The following RYR1 variants were observed in gnomAD, a reference collection of about 807,000 sequenced individuals.
RYR1 encodes the protein ryanodine receptor 1.
RYR1 carries 342 observed loss-of-function variants against 583.5 expected under a neutral mutation model. That is an observed-to-expected ratio of 0.59 (90% CI 0.54 to 0.64). The LOEUF (loss-of-function observed/expected upper bound fraction) is 0.64. Ranked by LOEUF, RYR1 falls within the 30% of genes least tolerant of loss-of-function variation. The pLI is 0.00. For synonymous variants in RYR1, 2,791 were observed against 2,822.5 expected (o/e 0.99, Z 0.35); for missense variants, 6,032 against 6,917.2 (o/e 0.87, Z 4.54).
intron 101 of RYR1, among the ~76,000 whole-genome samples, chr19:38,581,744 G>A (rs1259761623): frequency 1.3e-5 from 2 of 151,954 alleles, no homozygotes; most frequent in African/African-American, 2.4e-5. Flanking sequence ...GATTACAGGC[G>A]CACACTACCA....
At chr19:38,434,411 AG>A (rs1413762907) in intron 1 of RYR1, among the ~76,000 whole-genome samples, 1 of 151,926 alleles carries the variant, frequency 6.6e-6, no homozygotes, top group Non-Finnish European at 1.5e-5. Flanking sequence ...CGTTTTGGGC[AG>A]GAGGGCTGCT....
chr19:38,565,120 C>A lies in RYR1; in HGVS notation c.12786C>A (p.Asp4262Glu). 6.5e-7 allele frequency: 1 copy of A among 1,537,824 alleles called. No individual in the cohort carries two copies. Among genetic ancestry groups the A allele is most frequent in the Non-Finnish European group, 8.7e-7 (1 of 1,145,812 alleles). The change falls in exon 91 of 106, where the codon GAC becomes GAA. Residue 4262 changes from aspartate (D) to glutamate (E), a missense_variant. Physicochemically the swap from Asp to Glu is conservative, Grantham distance 45. Around this residue, in one of 11 missense-constraint regions of RYR1, gnomAD observed 753 missense variants for 759.6 expected, o/e 0.99. Coordinates refer to ENST00000359596, the MANE Select transcript of RYR1 (RefSeq NM_000540.3). This position sits in a 1 kb window ranked among gnomAD's most constrained non-coding sequence, Gnocchi z 4.7. ...EPEGEPETDE[D>E]EGAGAAEAGA... The stretch of plus-strand genomic sequence containing the variant: ...AGGGCGAGCCGGAGACCGACGAGGA[C>A]GAGGGCGCGGGCGCGGCGGAGGCGG...
chr19:38,528,323 G>A lies in RYR1; in HGVS notation c.10842G>A (p.Lys3614=). 1 of 1,614,150 alleles carries A rather than the reference G, an allele frequency of 6.2e-7. No homozygotes were observed. The highest frequency in any genetic ancestry group is 8.5e-7 in the Non-Finnish European group (1 of 1,180,022). The change falls in exon 74 of 106, where the codon AAG becomes AAA. Residue 3614 remains lysine (K), a synonymous_variant. Transcript: ENST00000359596. ...YYLDQTEHPY[K]SKKAVWHKLL... ...CTCCCCAGACCGAGCACCCTTACAAGTCTAAGAAGGCCGTGTGGCACAAGC... is the reference window on the plus strand; with the variant it reads ...CTCCCCAGACCGAGCACCCTTACAAATCTAAGAAGGCCGTGTGGCACAAGC...
intron 71 of RYR1, 33 bp downstream of exon 71, chr19:38,525,535 A>C (rs747302870): frequency 6.2e-7 from 1 of 1,608,438 alleles, no homozygotes; most frequent in Non-Finnish European, 8.5e-7. Flanking sequence ...GGAACCTTCC[A>C]GGATGCCGCC....
chr19:38,477,827 G>T lies in RYR1; in HGVS notation c.4411G>T (p.Val1471Leu), dbSNP rs767558988. ...MSFDLSKVRV[V>L]TVTMGDEQGN... ...CTTCGACCTCAGCAAGGTCCGGGTC[G>T]TGACGGTGACCATGGGGGATGAACA... The change falls in exon 30 of 106, where the codon GTG becomes TTG. Residue 1471 changes from valine to leucine, a missense_variant. Val to Leu is a conservative substitution (Grantham distance 32, BLOSUM62 1). Transcript: ENST00000359596. 1 of 1,613,104 alleles carries T rather than the reference G, an allele frequency of 6.2e-7. No individual in the cohort carries two copies. The highest frequency in any genetic ancestry group is 8.5e-7 in the Non-Finnish European group (1 of 1,179,530).
chr19:38,565,185 GCACGGCGGC>G lies in RYR1; in HGVS notation c.12861_12869del (p.Thr4288_Ala4290del), dbSNP rs398123469. ...GAGGAGGGCGCGGCGGGGCTCGAGG[GCACGGCGGC>G]CACGGCGGCGGCGGGGGCGACGGCG... On this transcript the variant is annotated inframe_deletion, in exon 91 of 106. Transcript: ENST00000359596. This position sits in a 1 kb window ranked among gnomAD's most constrained non-coding sequence, Gnocchi z 4.7. The G allele has an allele frequency of 6.2e-4, 693 of 1,117,954 alleles. 2 individuals are homozygous for G. In the African/African-American group the frequency reaches 9.2e-3, roughly 15 times the overall value. 69.3% of individuals were successfully genotyped at this position (1,117,954 alleles called of 1,614,324 possible).
chr19:38,546,511 C>T lies in RYR1; in HGVS notation c.12079C>T (p.Leu4027=). 1 of 1,613,364 alleles carries T rather than the reference C, an allele frequency of 6.2e-7. No individual in the cohort carries two copies. The highest frequency in any genetic ancestry group is 8.5e-7 in the Non-Finnish European group (1 of 1,179,796). ...DLQKDMVVML[L]SLLEGNVVNG... is the part of the protein sequence containing the mutation. ...GCAGAAGGACATGGTGGTGATGTTG[C>T]TGTCGCTACTAGAAGGTAAACACCC... Residue 4027 remains leucine (L), a synonymous_variant, in exon 88 of 106, where the codon CTG becomes TTG. Transcript: ENST00000359596.
chr19:38,483,144 G>A lies in RYR1; in HGVS notation c.4707+31G>A, dbSNP rs1489982726. On this transcript the variant is annotated intron_variant, in intron 32 of 105. Transcript: ENST00000359596. The surrounding 1 kb of genome is among the most constrained non-coding windows in gnomAD (Gnocchi z 6.3). The stretch of plus-strand genomic sequence containing the variant: ...AGTGCAGTGATGGGGGCACTAATGG[G>A]GCCAGGCTGAGGCAGGAGATGTGGG... 1.2e-5 allele frequency: 19 copies of A among 1,608,812 alleles called. No homozygotes were observed. Among genetic ancestry groups the A allele is most frequent in the Non-Finnish European group, 1.6e-5 (19 of 1,175,224 alleles).
At chr19:38,567,735 C>G in intron 92 of RYR1, 38 bp from the exon 93 acceptor site, 1 of 1,614,130 alleles carries the variant, frequency 6.2e-7, no homozygotes. Flanking sequence ...CATTGCCTGC[C>G]CAGGCACCTC....
intron 84 of RYR1, among the ~76,000 whole-genome samples, chr19:38,539,238 CTT>C (rs766181329): frequency 2.4e-4 from 29 of 118,690 alleles, no homozygotes; most frequent in Admixed American, 5.2e-4. Context: ...AAGATTTTTT[CTT>C]TTTTTTTTTT....
chr19:38,519,163 G>A (rs1261447112), intron 66 of RYR1, 51 bp from the exon 67 acceptor site: 2 of 1,613,368 alleles, frequency 1.2e-6, no homozygotes, highest in African/African-American at 1.3e-5. Context: ...CGGAGTTTGG[G>A]GCCTGTGTCA....
intron 61 of RYR1, 125 bp downstream of exon 61, chr19:38,511,735 C>T: frequency 1.7e-6 from 2 of 1,194,574 alleles, no homozygotes; most frequent in South Asian, 2.4e-5. Context: ...GACCTGGAGA[C>T]ATGGACCAGG....
chr19:38,459,338 A>C lies in RYR1; in HGVS notation c.2360A>C (p.Lys787Thr), dbSNP rs766553911. The change falls in exon 19 of 106, where the codon AAG (lysine) becomes ACG (threonine). Residue 787 changes from lysine to threonine, a missense_variant and splice_region_variant. Around this residue, in one of 11 missense-constraint regions of RYR1, gnomAD observed 2,627 missense variants for 2,961.3 expected, o/e 0.89. Transcript: ENST00000359596. ...GTTGTCAGCTTCTCGGCTGGTGTCA[A>C]GTGAGAACTTGCCCCCACCCCACGG... ...FPVVSFSAGV[K>T]VRFLLGGRHG... 3.7e-6 allele frequency: 6 copies of C among 1,613,902 alleles called. No individual in the cohort carries two copies. In the South Asian group the frequency reaches 6.6e-5, roughly 18 times the overall value.
intron 84 of RYR1, among the ~76,000 whole-genome samples, chr19:38,542,410 A>G (rs1468861778): frequency 1.3e-5 from 2 of 152,232 alleles, no homozygotes; most frequent in Admixed American, 6.5e-5. Flanking sequence ...CCTGCTACAT[A>G]GTTGGTGGTC....
chr19:38,479,914 C>T (rs1766549159), intron 31 of RYR1, among the ~76,000 whole-genome samples: 1 of 151,474 alleles, frequency 6.6e-6, no homozygotes, highest in Non-Finnish European at 1.5e-5. Flanking sequence ...CAGACGGGGT[C>T]TCACTATGTT....
In RYR1 at chr19:38,528,860, A is replaced by G. The variant is rs1971603950; in HGVS notation, c.11035-91A>G. 27 of 1,507,208 alleles carry G rather than the reference A, an allele frequency of 1.8e-5. No individual in the cohort carries two copies. The South Asian group carries it at 2.9e-4, about 16-fold the overall frequency. 93.4% of individuals were successfully genotyped at this position (1,507,208 alleles called of 1,614,324 possible). On this transcript the variant is annotated intron_variant, in intron 75 of 105. Transcript: ENST00000359596. ...AGTAGGGCGCAGGATGTGGGAAAAG[A>G]GAAAAAAAAATCCAGACCAACAGGG...
At position 38,585,047 on chromosome 19, in the gene RYR1, C is replaced by T. The variant is rs748270236; in HGVS notation, c.14751C>T (p.Phe4917=). 7.4e-6 allele frequency: 12 copies of T among 1,613,962 alleles called. No individual in the cohort carries two copies. In the Admixed American group the frequency reaches 8.3e-5, roughly 11 times the overall value. ...GDEYELYRVV[F]DITFFFFVIV... Reference sequence around the variant, plus strand: ...AATACGAGCTCTACAGGGTGGTCTTCGACATCACCTTCTTCTTCTTCGTCA... The same window carrying T: ...AATACGAGCTCTACAGGGTGGTCTTTGACATCACCTTCTTCTTCTTCGTCA... Residue 4917 remains phenylalanine (F), a synonymous_variant, in exon 102 of 106, where the codon TTC becomes TTT. Coordinates refer to ENST00000359596, the MANE Select transcript of RYR1 (RefSeq NM_000540.3).
Position 38,537,889 on chromosome 19 carries a change from T to A in RYR1, c.11618T>A (p.Val3873Asp), listed in dbSNP as rs2145756408. The A allele has an allele frequency of 6.2e-7, 1 of 1,613,574 alleles. No homozygotes were observed. Among genetic ancestry groups the A allele is most frequent in the Admixed American group, 1.7e-5 (1 of 59,970 alleles). ...TVINRQNGEK[V>D]MADDEFTQDL... ...CCTCCCTTCCACCTAGGAGAGAAGG[T>A]CATGGCGGATGATGAATTCACACAA... Residue 3873 changes from valine to aspartate, a missense_variant, in exon 84 of 106, where the codon GTC becomes GAC. By Grantham distance (152) the Val-to-Asp change is radical. This residue lies in a region of RYR1 where 1,493 missense variants were observed against 1,715.5 expected (regional missense o/e 0.87). Coordinates refer to ENST00000359596, the MANE Select transcript of RYR1 (RefSeq NM_000540.3).
Position 38,580,078 on chromosome 19 carries a change from G to C in RYR1, c.14461G>C (p.Val4821Leu). 1 of 1,614,192 alleles carries C rather than the reference G, an allele frequency of 6.2e-7. No homozygotes were observed. Among genetic ancestry groups the C allele is most frequent in the Non-Finnish European group, 8.5e-7 (1 of 1,180,042 alleles). ...AAHLLDIAMG[V>L]KTLRTILSSV... ...CCATCTCCTGGACATCGCCATGGGG[G>C]TCAAGACGCTGCGCACCATCCTGTC... Residue 4821 changes from valine to leucine, a missense_variant, in exon 100 of 106, where the codon GTC (valine) becomes CTC (leucine). This residue lies in a region of RYR1 where 189 missense variants were observed against 350.3 expected (regional missense o/e 0.54). Transcript: ENST00000359596.
Sources: allele counts gnomAD v4.1 joint callset (sites outside exome capture counted in the v4.1 genomes callset), GRCh38; gene constraint gnomAD v4.1.1; regional missense constraint gnomAD v4.1.1; non-coding constraint Gnocchi (gnomAD v3.1); transcripts MANE v1.5; gene names NCBI Gene and HGNC (gene_info 2026-07-23, HGNC 2026-07-21).